PLD4: variants seen among roughly 807,000 people sequenced by gnomAD.
PLD4 encodes the protein 5'-3' exonuclease PLD4.
In PLD4, 54 loss-of-function variants were observed where a neutral mutation model predicts 52.3. That is an observed-to-expected ratio of 1.03 (90% CI 0.83 to 1.30). PLD4 has a LOEUF of 1.30. PLD4 is among the 50% of genes most tolerant of loss of function. The pLI is 0.00. For missense variants in PLD4, 731 were observed against 671.1 expected (o/e 1.09, Z -0.99); for synonymous variants, 264 against 286.5 (o/e 0.92, Z 0.79).
chr14:104,936,132 C>G (rs554505148), downstream of PLD4: 10 of 152,234 alleles, frequency 6.6e-5, no homozygotes, highest in Non-Finnish European at 1.2e-4. Flanking sequence ...CATGCTGGGA[C>G]AGCTGTCTCT....
In PLD4 at chr14:104,927,761, G is replaced by A; in HGVS notation, c.179G>A (p.Trp60Ter). The A allele has an allele frequency of 6.3e-7, 1 of 1,598,866 alleles. No homozygotes were observed. The highest frequency in any genetic ancestry group is 2.2e-5 in the East Asian group (1 of 44,576). The change falls in exon 3 of 11, where the codon TGG becomes TAG. Residue 60 changes from tryptophan to a stop codon, truncating the protein, a stop_gained. Transcript: ENST00000392593. LOFTEE classifies it high-confidence loss of function. ...LLWQVPRPPTWGQVQPKDVPR... is the reference protein window; with the variant it reads ...LLWQVPRPPT ...TGGCAAGTGCCCCGTCCTCCCACCT[G>A]GGGCCAGGTGCAGCCCAAGGACGTG...
rs571513691 is a variant in PLD4, at chr14:104,925,860, C to G, written c.-1+870C>G. Among the ~76,000 whole-genome samples the G allele has an allele frequency of 2.0e-5, 3 of 152,196 alleles. No homozygotes were observed. The South Asian group carries it at 6.2e-4, about 32-fold the overall frequency. On this transcript the variant is annotated intron_variant, in intron 1 of 10. Coordinates refer to ENST00000392593, the MANE Select transcript of PLD4 (RefSeq NM_138790.5). Reference sequence around the variant, plus strand: ...ACCCCCCAGCGTGGGGGGAGTTGGGCCGCAGTGACTTGGCCTGAGTCCCCT... The same window carrying G: ...ACCCCCCAGCGTGGGGGGAGTTGGGGCGCAGTGACTTGGCCTGAGTCCCCT...
At chr14:104,929,954 C>T (rs1229548915) in intron 5 of PLD4, 24 bp from the exon 6 acceptor site, 13 of 1,612,438 alleles carry the variant, frequency 8.1e-6, no homozygotes, top group South Asian at 1.1e-5. Context: ...CCTAGTTCAT[C>T]CCATTGCCTG....
At chr14:104,928,318 C>A (rs998233799) in intron 3 of PLD4, among the ~76,000 whole-genome samples, 11 of 152,174 alleles carry the variant, frequency 7.2e-5, no homozygotes, top group Non-Finnish European at 4.4e-5. Flanking sequence ...CAACCTTTCC[C>A]TTCCAGGCCA....
intron 3 of PLD4, 108 bp downstream of exon 3, chr14:104,927,974 C>T: frequency 6.2e-6 from 8 of 1,280,468 alleles, no homozygotes; most frequent in Non-Finnish European, 8.3e-6. Flanking sequence ...TCTACCAGCT[C>T]CTCCAGGAAG....
chr14:104,929,237 T>C, intron 4 of PLD4, 70 bp from the exon 5 acceptor site: 1 of 1,556,602 alleles, frequency 6.4e-7, no homozygotes, highest in South Asian at 1.2e-5. Context: ...GAGGAGGACA[T>C]GGGTCCTAGT....
In PLD4 at chr14:104,927,771, G is replaced by C; in HGVS notation, c.189G>C (p.Val63=). 2 of 1,599,244 alleles carry C rather than the reference G, an allele frequency of 1.3e-6. No individual in the cohort carries two copies. Among genetic ancestry groups the C allele is most frequent in the Admixed American group, 3.4e-5 (2 of 59,104 alleles). The change falls in exon 3 of 11, where the codon GTG becomes GTC. Residue 63 remains valine, a synonymous_variant. Transcript: ENST00000392593. ...CCCGTCCTCCCACCTGGGGCCAGGTGCAGCCCAAGGACGTGCCCAGGTCCT... is the reference window on the plus strand; with the variant it reads ...CCCGTCCTCCCACCTGGGGCCAGGTCCAGCCCAAGGACGTGCCCAGGTCCT... ...QVPRPPTWGQ[V]QPKDVPRSWE...
At position 104,929,100 on chromosome 14, in the gene PLD4, T is replaced by C. The variant is rs1393892482; in HGVS notation, c.468+168T>C. The C allele has an allele frequency of 1.0e-5, 12 of 1,174,546 alleles. No individual in the cohort carries two copies. In the East Asian group the frequency reaches 2.8e-4, roughly 28 times the overall value. The allele number at this position is 1,174,546 out of a possible 1,614,324, so 72.8% of individuals were successfully genotyped here. On this transcript the variant is annotated intron_variant, in intron 4 of 10. Coordinates refer to ENST00000392593, the MANE Select transcript of PLD4 (RefSeq NM_138790.5). Reference sequence around the variant, plus strand: ...CCTTTGGGGGCTCTAACAGCAGAGGTGTCAAGGAGCTGGGCCTCTGGGTGA... The same window carrying C: ...CCTTTGGGGGCTCTAACAGCAGAGGCGTCAAGGAGCTGGGCCTCTGGGTGA...
Position 104,929,128 on chromosome 14 carries a change from A to C in PLD4, c.469-179A>C. ...CAAGGAGCTGGGCCTCTGGGTGACT[A>C]AACACTCAGACTGTGCCTGGTGCAG... On this transcript the variant is annotated intron_variant, in intron 4 of 10. Coordinates refer to ENST00000392593, the MANE Select transcript of PLD4 (RefSeq NM_138790.5). 3 of 1,213,924 alleles carry C rather than the reference A, an allele frequency of 2.5e-6. No homozygotes were observed. The East Asian group carries it at 7.7e-5, about 31-fold the overall frequency. 75.2% of individuals were successfully genotyped at this position (1,213,924 alleles called of 1,614,324 possible).
In PLD4 at chr14:104,932,571, A is replaced by T. The variant is rs1213697268; in HGVS notation, c.1322-194A>T. 6.6e-6 allele frequency among the ~76,000 whole-genome samples: 1 copy of T among 152,134 alleles called. No individual in the cohort carries two copies. The highest frequency in any genetic ancestry group is 1.5e-5 in the Non-Finnish European group (1 of 68,004). On this transcript the variant is annotated intron_variant, in intron 10 of 10. Coordinates refer to ENST00000392593, the MANE Select transcript of PLD4 (RefSeq NM_138790.5). The surrounding 1 kb of genome is among the most constrained non-coding windows in gnomAD (Gnocchi z 6.5). The stretch of plus-strand genomic sequence containing the variant: ...GAGTCAGGACGCCTGTCCCCAAGTG[A>T]TGAAGGTGGAGTTCTACCGCGACCA...
chr14:104,931,868 CG>C lies in PLD4; in HGVS notation c.1040del (p.Arg347ProfsTer62). ...ASVMEYFPTTRFSHPPRYWPV... is the reference protein window; with the variant it reads ...ASVMEYFPTTXFSHPPRYWPV... ...CGTGATGGAGTATTTCCCCACCACG[CG>C]CTTCAGCCACCCCCCGAGGTAGGTC... On this transcript the variant is annotated frameshift_variant, in exon 8 of 11. Transcript: ENST00000392593. LOFTEE classifies it high-confidence loss of function. The C allele has an allele frequency of 6.5e-7, 1 of 1,543,364 alleles. No individual in the cohort carries two copies. The highest frequency in any genetic ancestry group is 8.8e-7 in the Non-Finnish European group (1 of 1,141,472).
At chr14:104,926,547 G>A (rs1044464190) in intron 1 of PLD4, among the ~76,000 whole-genome samples, 4 of 152,206 alleles carry the variant, frequency 2.6e-5, no homozygotes, top group Non-Finnish European at 2.9e-5. Context: ...CCCTCTCCAC[G>A]CCTAGCCTCT....
At position 104,927,246 on chromosome 14, in the gene PLD4, C is replaced by A. The variant is rs1595377102; in HGVS notation, c.90+16C>A. 2 of 1,528,898 alleles carry A rather than the reference C, an allele frequency of 1.3e-6. No homozygotes were observed. The highest frequency in any genetic ancestry group is 4.9e-5 in the East Asian group (2 of 40,652). 94.7% of individuals were successfully genotyped at this position (1,528,898 alleles called of 1,614,324 possible). A position where few individuals can be genotyped will look rare whatever the true frequency, so the allele number is the denominator to read the frequency against. On this transcript the variant is annotated intron_variant, in intron 2 of 10. Transcript: ENST00000392593. Reference sequence around the variant, plus strand: ...GGCTGGCACGGTAGGACTGGGGGGCCCCAGGGGGGAGGTGGCTGGGATCAA... The same window carrying A: ...GGCTGGCACGGTAGGACTGGGGGGCACCAGGGGGGAGGTGGCTGGGATCAA...
intron 7 of PLD4, 132 bp downstream of exon 7, chr14:104,931,074 T>C (rs1897629359): frequency 2.0e-6 from 2 of 1,018,980 alleles, no homozygotes; most frequent in Non-Finnish European, 2.9e-6. Flanking sequence ...GCCAGCACCA[T>C]GGGTGGGGCT....
intron 7 of PLD4, 42 bp from the exon 8 acceptor site, chr14:104,931,706 G>A (rs374536183): frequency 1.3e-6 from 2 of 1,553,768 alleles, no homozygotes; most frequent in Non-Finnish European, 8.7e-7. Flanking sequence ...TTCAGAATGG[G>A]CTGGGCTGGC....
intron 2 of PLD4, 93 bp from the exon 3 acceptor site, chr14:104,927,580 G>A (rs1216539311): frequency 1.5e-6 from 2 of 1,360,470 alleles, no homozygotes; most frequent in Non-Finnish European, 9.8e-7. Flanking sequence ...AAGTCAAGAC[G>A]GTCTCTGTCT....
chr14:104,932,837 G>A lies in PLD4; in HGVS notation c.1394G>A (p.Gly465Asp). ...GGCTTGGTGGTCACCCAGAGCCCTG[G>A]CGCGCAGCCCGCGGGGGCCACGGTG... Reference protein sequence around the residue: ...GVGLVVTQSPGAQPAGATVQE... With the variant: ...GVGLVVTQSPDAQPAGATVQE... The change falls in exon 11 of 11, where the codon GGC becomes GAC. Residue 465 changes from glycine (G) to aspartate (D), a missense_variant. Gly to Asp is a moderately conservative substitution (Grantham distance 94, BLOSUM62 -1). Transcript: ENST00000392593. The surrounding 1 kb of genome is among the most constrained non-coding windows in gnomAD (Gnocchi z 6.5). 1 of 1,605,570 alleles carries A rather than the reference G, an allele frequency of 6.2e-7. No individual in the cohort carries two copies.
In PLD4 at chr14:104,928,761, G is replaced by A. The variant is rs1470838534; in HGVS notation, c.297G>A (p.Val99=). 8 of 1,589,700 alleles carry A rather than the reference G, an allele frequency of 5.0e-6. No homozygotes were observed. The highest frequency in any genetic ancestry group is 2.2e-5 in the South Asian group (2 of 89,572). The change falls in exon 4 of 11, where the codon GTG becomes GTA. Residue 99 remains valine (V), a synonymous_variant. Coordinates refer to ENST00000392593, the MANE Select transcript of PLD4 (RefSeq NM_138790.5). The part of the protein sequence containing the change: ...QQRDSCQLVL[V]ESIPQDLPSA... ...GCTCTCCCCACAGGCTTGTCCTTGT[G>A]GAAAGCATCCCCCAGGACCTGCCAT...
intron 3 of PLD4, among the ~76,000 whole-genome samples, chr14:104,928,077 C>G (rs142543394): frequency 0.027 from 4,058 of 152,162 alleles, 58 homozygotes; most frequent in Middle Eastern, 0.082. Flanking sequence ...CAAACAGAGG[C>G]TGCCACCTGG....
Sources: allele counts gnomAD v4.1 joint callset (sites outside exome capture counted in the v4.1 genomes callset), GRCh38; gene constraint gnomAD v4.1.1; non-coding constraint Gnocchi (gnomAD v3.1); transcripts MANE v1.5; gene names NCBI Gene and HGNC (gene_info 2026-07-23, HGNC 2026-07-21).